Variants in NCAN observed in about 807,000 individuals in gnomAD.
NCAN encodes the protein neurocan.
NCAN carries 47 observed loss-of-function variants against 121.8 expected under a neutral mutation model. That is an observed-to-expected ratio of 0.39 (90% confidence interval 0.31 to 0.49). The LOEUF (loss-of-function observed/expected upper bound fraction) is 0.49. Among genes scored for constraint, NCAN ranks in the 20% least tolerant of loss-of-function variants. The probability of loss-of-function intolerance (pLI) is 0.92; values close to 1 mark genes in which losing one functional copy is unlikely to be tolerated. For synonymous variants in NCAN, 633 were observed against 702.0 expected (o/e 0.90, Z 1.55); for missense variants, 1,517 against 1,773.4 (o/e 0.86, Z 2.60).
intron 1 of NCAN, among the ~76,000 whole-genome samples, chr19:19,215,240 G>A (rs1181171443): frequency 1.3e-5 from 2 of 152,190 alleles, no homozygotes; most frequent in Non-Finnish European, 2.9e-5. Context: ...TCTGGACTCC[G>A]TTCACACCCC....
Position 19,233,412 on chromosome 19 carries a change from G to A in NCAN, c.3020-377G>A, listed in dbSNP as rs186410748. On this transcript the variant is annotated intron_variant, in intron 8 of 14. Coordinates refer to ENST00000252575, the MANE Select transcript of NCAN (RefSeq NM_004386.3). ...CCCAATTCATGAGAAGCACAGTGATGAGCAGGGTGTGCCCAAAGGAGGGGA... is the reference window on the plus strand; with the variant it reads ...CCCAATTCATGAGAAGCACAGTGATAAGCAGGGTGTGCCCAAAGGAGGGGA... Among the ~76,000 whole-genome samples, 453 of 152,172 alleles carry A rather than the reference G, an allele frequency of 3.0e-3. 3 individuals carry two copies. Among genetic ancestry groups the A allele is most frequent in the African/African-American group, 9.6e-3 (399 of 41,498 alleles).
At chr19:19,223,288 G>T (rs1156310891) in intron 3 of NCAN, among the ~76,000 whole-genome samples, 2 of 151,922 alleles carry the variant, frequency 1.3e-5, no homozygotes, top group Non-Finnish European at 2.9e-5. Flanking sequence ...CCTAACCCTG[G>T]GCATGAAGAG....
rs372061840 is a variant in NCAN at position 19,240,404 on chromosome 19, G to A, written c.3410-199G>A. Among the ~76,000 whole-genome samples the A allele has an allele frequency of 4.0e-5, 6 of 151,056 alleles. No individual in the cohort carries two copies. The East Asian group carries it at 1.2e-3, about 30-fold the overall frequency. ...AGAGAGGCTGAGGGAGGGGCTCTGG[G>A]TCCTCCTCCATCCCTGTACCTGCTT... On this transcript the variant is annotated intron_variant, in intron 11 of 14. Transcript: ENST00000252575.
chr19:19,241,260 A>C (rs76217103), intron 12 of NCAN, among the ~76,000 whole-genome samples: 5 of 146,420 alleles, frequency 3.4e-5, no homozygotes, highest in African/African-American at 1.2e-4. Context: ...TCCTGTCTCA[A>C]AAAAAAAAAA....
intron 10 of NCAN, among the ~76,000 whole-genome samples, chr19:19,236,777 A>G (rs185236855): frequency 4.0e-4 from 60 of 151,202 alleles, no homozygotes; most frequent in Non-Finnish European, 7.7e-4. Flanking sequence ...CCCAGGCTGG[A>G]AAGTACAGTG....
Position 19,233,875 on chromosome 19 carries a change from C to G in NCAN, c.3106C>G (p.Gln1036Glu). The change falls in exon 9 of 15, where the codon CAG (glutamine) becomes GAG (glutamate). Residue 1036 changes from glutamine to glutamate, a missense_variant. Coordinates refer to ENST00000252575, the MANE Select transcript of NCAN (RefSeq NM_004386.3). ...CACCATGTATGGCTGTAGCTGTGAT[C>G]AGGGCTTCGCCGGGGAGAACTGTGA... is the stretch of plus-strand genomic sequence containing the variant. ...NGTMYGCSCDQGFAGENCEID... is the reference protein window; with the variant it reads ...NGTMYGCSCDEGFAGENCEID... The G allele has an allele frequency of 1.9e-6, 3 of 1,613,450 alleles. No individual in the cohort carries two copies. Among genetic ancestry groups the G allele is most frequent in the Non-Finnish European group, 2.5e-6 (3 of 1,179,390 alleles).
intron 8 of NCAN, among the ~76,000 whole-genome samples, chr19:19,230,430 G>A (rs1361283565): frequency 7.2e-6 from 1 of 138,126 alleles, no homozygotes; most frequent in African/African-American, 2.8e-5. Context: ...TTTAGAAAGG[G>A]TCTCACTCTG....
intron 1 of NCAN, 89 bp from the exon 2 acceptor site, chr19:19,216,858 T>C (rs1303063862): frequency 4.5e-6 from 3 of 667,254 alleles, no homozygotes; most frequent in African/African-American, 1.9e-5. Context: ...TCCTGATCTG[T>C]AGAGTGGGGG....
At chr19:19,243,643 G>T (rs945451497) in intron 12 of NCAN, among the ~76,000 whole-genome samples, 17 of 152,200 alleles carry the variant, frequency 1.1e-4, no homozygotes, top group African/African-American at 4.1e-4. Context: ...GGAGGTTGCA[G>T]CGAGCCAAGG....
Position 19,224,363 on chromosome 19 carries a change from G to A in NCAN, c.708G>A (p.Gly236=), listed in dbSNP as rs147224180. Residue 236 remains glycine, a synonymous_variant, in exon 5 of 15, where the codon GGG becomes GGA. Transcript: ENST00000252575. ...ATGGCGACCGTAGCAGCCTTCCAGGGGTTCGGAGCTATGGGAGGCGCAACC... is the reference window on the plus strand; with the variant it reads ...ATGGCGACCGTAGCAGCCTTCCAGGAGTTCGGAGCTATGGGAGGCGCAACC... ...GCYGDRSSLP[G]VRSYGRRNPQ... The A allele has an allele frequency of 6.8e-6, 11 of 1,613,968 alleles. No individual in the cohort carries two copies. Among genetic ancestry groups the A allele is most frequent in the Non-Finnish European group, 9.3e-6 (11 of 1,180,002 alleles).
chr19:19,233,360 G>A (rs761815235), intron 8 of NCAN, among the ~76,000 whole-genome samples: 15 of 151,620 alleles, frequency 9.9e-5, no homozygotes, highest in Non-Finnish European at 2.1e-4. Context: ...CTGTCACCCA[G>A]GCTAGAACCT....
At position 19,249,841 on chromosome 19, in the gene NCAN, G is replaced by A. The variant is rs768180321; in HGVS notation, c.3896G>A (p.Arg1299His). The change falls in exon 15 of 15, where the codon CGC becomes CAC. Residue 1299 changes from arginine to histidine, a missense_variant. By Grantham distance (29) the Arg-to-His change is conservative. Transcript: ENST00000252575. ...HHHQHHHHKSRKERRKHKKHP... is the reference protein window; with the variant it reads ...HHHQHHHHKSHKERRKHKKHP... ...CACCAGCATCACCACCACAAATCCC[G>A]CAAGGAGCGCAGAAAACACAAGAAA... 45 of 1,613,670 alleles carry A rather than the reference G, an allele frequency of 2.8e-5. No individual in the cohort carries two copies. Among genetic ancestry groups the A allele is most frequent in the Admixed American group, 3.3e-5 (2 of 59,918 alleles).
At position 19,225,311 on chromosome 19, in the gene NCAN, C is replaced by T; in HGVS notation, c.1072+41C>T. 1 of 1,479,082 alleles carries T rather than the reference C, an allele frequency of 6.8e-7. No individual in the cohort carries two copies. The highest frequency in any genetic ancestry group is 8.8e-7 in the Non-Finnish European group (1 of 1,130,684). 91.6% of individuals were successfully genotyped at this position (1,479,082 alleles called of 1,614,324 possible). A position where few individuals can be genotyped will look rare whatever the true frequency, so the allele number is the denominator to read the frequency against. On this transcript the variant is annotated intron_variant, in intron 6 of 14. Coordinates refer to ENST00000252575, the MANE Select transcript of NCAN (RefSeq NM_004386.3). The surrounding 1 kb of genome is among the most constrained non-coding windows in gnomAD (Gnocchi z 4.0). ...GGTGGCCGCGCCCCCAGGGCTTTCA[C>T]TTTGGCGAAGGCCACGTCCCTGAAA...
In NCAN at chr19:19,228,131, C is replaced by G. The variant is rs779221217; in HGVS notation, c.2511C>G (p.Pro837=). 6.2e-7 allele frequency: 1 copy of G among 1,613,738 alleles called. No homozygotes were observed. The highest frequency in any genetic ancestry group is 1.1e-5 in the South Asian group (1 of 91,080). ...TGGATTCCACAGTCACGCCGGCCCC[C>G]AGTGATGCTAGTGGAATTTGGGAAC... ...NPMDSTVTPA[P]SDASGIWEPG... The change falls in exon 8 of 15, where the codon CCC becomes CCG. Residue 837 remains proline, a synonymous_variant. Transcript: ENST00000252575.
Position 19,245,446 on chromosome 19 carries a change from A to G in NCAN, c.3626A>G (p.Lys1209Arg), listed in dbSNP as rs1305819733. The G allele has an allele frequency of 6.2e-7, 1 of 1,614,090 alleles. No individual in the cohort carries two copies. The highest frequency in any genetic ancestry group is 1.3e-5 in the African/African-American group (1 of 75,066). Residue 1209 changes from lysine (K) to arginine (R), a missense_variant, in exon 13 of 15, where the codon AAG becomes AGG. Coordinates refer to ENST00000252575, the MANE Select transcript of NCAN (RefSeq NM_004386.3). Reference sequence around the variant, plus strand: ...AACTACAACCTACCCTATGTCTGCAAGAAGGGCACAGGTATGCTGTGCCCC... The same window carrying G: ...AACTACAACCTACCCTATGTCTGCAGGAAGGGCACAGGTATGCTGTGCCCC... Reference protein sequence around the residue: ...PCNYNLPYVCKKGTVLCGPPP... With the variant: ...PCNYNLPYVCRKGTVLCGPPP...
intron 3 of NCAN, among the ~76,000 whole-genome samples, chr19:19,223,493 G>C (rs1329736066): frequency 2.0e-5 from 3 of 151,930 alleles, no homozygotes; most frequent in Non-Finnish European, 4.4e-5. Flanking sequence ...GTTTTTTTGA[G>C]ATGGAGTCTT....
rs201431297 is a variant in NCAN, at chr19:19,218,834, A to T, written c.74-81A>T. 2.6e-4 allele frequency: 349 copies of T among 1,354,456 alleles called. 1 individual carries two copies. In the East Asian group the frequency reaches 7.8e-3, roughly 30 times the overall value. The allele number at this position is 1,354,456 out of a possible 1,614,324, so 83.9% of individuals were successfully genotyped here. Reference sequence around the variant, plus strand: ...AATTCTGGCTCAGCCCTTTTAAAAAATTTTTTAAAAGAGGGAAATAGCAGT... The same window carrying T: ...AATTCTGGCTCAGCCCTTTTAAAAATTTTTTTAAAAGAGGGAAATAGCAGT... On this transcript the variant is annotated intron_variant, in intron 2 of 14. Coordinates refer to ENST00000252575, the MANE Select transcript of NCAN (RefSeq NM_004386.3).
intron 13 of NCAN, among the ~76,000 whole-genome samples, chr19:19,247,505 G>A (rs969394058): frequency 2.0e-5 from 3 of 151,746 alleles, no homozygotes; most frequent in South Asian, 4.2e-4. Flanking sequence ...CGCCTGCCTC[G>A]GCCTCCCAAA....
At chr19:19,237,795 G>T (rs539230855) in intron 10 of NCAN, among the ~76,000 whole-genome samples, 2 of 152,310 alleles carry the variant, frequency 1.3e-5, no homozygotes, top group South Asian at 4.1e-4. Context: ...TGTAATTCCA[G>T]CATTTTGGGA....
Sources: allele counts gnomAD v4.1 joint callset (sites outside exome capture counted in the v4.1 genomes callset), GRCh38; gene constraint gnomAD v4.1.1; non-coding constraint Gnocchi (gnomAD v3.1); transcripts MANE v1.5; gene names NCBI Gene and HGNC (gene_info 2026-07-23, HGNC 2026-07-21).